Variants in FCN2 observed in about 807,000 individuals in gnomAD.
FCN2 encodes the protein ficolin 2, also known as ficolin-2.
In FCN2, 31 loss-of-function variants were observed where a neutral mutation model predicts 32.5. The ratio of observed to expected loss-of-function variants is 0.96; its 90% CI spans 0.72 to 1.29. The LOEUF is 1.29. Ranked by LOEUF, FCN2 falls within the 50% of genes most tolerant of loss-of-function variation. The pLI is 0.00. For missense variants in FCN2, 412 were observed against 406.5 expected (o/e 1.01, Z -0.12); for synonymous variants, 181 against 164.5 (o/e 1.10, Z -0.77).
intron 1 of FCN2, 36 bp downstream of exon 1, chr9:134,880,957 T>C: frequency 6.7e-7 from 1 of 1,497,662 alleles, no homozygotes; most frequent in Non-Finnish European, 9.2e-7. Flanking sequence ...TGGAAACTTC[T>C]CGTCCCTGAA....
the FCN2 span, among the ~76,000 whole-genome samples, chr9:134,870,608 G>A: frequency 1.3e-5 from 2 of 152,282 alleles, no homozygotes; most frequent in South Asian, 4.1e-4. This position sits in a 1 kb window ranked among gnomAD's most constrained non-coding sequence, Gnocchi z 4.3. Flanking sequence ...GAGCAAAGGA[G>A]ACCCTGCCCT....
upstream of FCN2, among the ~76,000 whole-genome samples, chr9:134,877,153 A>G (rs1830611177): frequency 6.6e-6 from 1 of 152,134 alleles, no homozygotes; most frequent in Non-Finnish European, 1.5e-5. Flanking sequence ...GCACTTGTTC[A>G]TTATTATTCA....
chr9:134,870,960 C>T, the FCN2 span, among the ~76,000 whole-genome samples: 1 of 152,190 alleles, frequency 6.6e-6, no homozygotes, highest in Non-Finnish European at 1.5e-5. This position sits in a 1 kb window ranked among gnomAD's most constrained non-coding sequence, Gnocchi z 4.3. Flanking sequence ...CACCCAGAGG[C>T]GCTGCCCTCT....
At chr9:134,867,401 A>C in the FCN2 span, among the ~76,000 whole-genome samples, 1 of 150,226 alleles carries the variant, frequency 6.7e-6, no homozygotes, top group Non-Finnish European at 1.5e-5. Context: ...CAAAAAACCA[A>C]ACACCGCATA....
At chr9:134,880,803 G>T (rs1830650642), upstream of FCN2, 1 of 1,604,452 alleles carries the variant, frequency 6.2e-7, no homozygotes. Context: ...GGCACCTTTT[G>T]AAGCAAAGAC....
the FCN2 span, among the ~76,000 whole-genome samples, chr9:134,870,226 A>G: frequency 0.013 from 2,016 of 152,302 alleles, 40 homozygotes; most frequent in South Asian, 0.095. This position sits in a 1 kb window ranked among gnomAD's most constrained non-coding sequence, Gnocchi z 4.3. Flanking sequence ...GGGAGACAGC[A>G]GCCCCCAGGC....
At chr9:134,873,636 C>T in the FCN2 span, among the ~76,000 whole-genome samples, 1 of 152,214 alleles carries the variant, frequency 6.6e-6, no homozygotes, top group African/African-American at 2.4e-5. Context: ...CAGCCTACAA[C>T]ATATGATTTG....
At chr9:134,866,017 T>C in the FCN2 span, among the ~76,000 whole-genome samples, 1 of 151,528 alleles carries the variant, frequency 6.6e-6, no homozygotes, top group Non-Finnish European at 1.5e-5. Flanking sequence ...GAACATTCCA[T>C]GCTCATGGGT....
Position 134,882,538 on chromosome 9 carries a change from T to C in FCN2, c.113T>C (p.Val38Ala). The change falls in exon 2 of 8, where the codon GTG (valine) becomes GCG (alanine). Residue 38 changes from valine to alanine, a missense_variant. By Grantham distance (64) the Val-to-Ala change is moderately conservative. Coordinates refer to ENST00000291744, the MANE Select transcript of FCN2 (RefSeq NM_004108.3). Reference protein sequence around the residue: ...AADTCPEVKMVGLEGSDKLTI... With the variant: ...AADTCPEVKMAGLEGSDKLTI... ...TGTTTTTCTGCAGAGGTGAAGATGG[T>C]GGGCCTGGAGGGCTCTGACAAGCTC... 1 of 1,614,066 alleles carries C rather than the reference T, an allele frequency of 6.2e-7. No individual in the cohort carries two copies. The highest frequency in any genetic ancestry group is 1.1e-5 in the South Asian group (1 of 91,074).
intron 2 of FCN2, 142 bp downstream of exon 2, chr9:134,882,781 G>T (rs1830683925): frequency 1.6e-6 from 1 of 623,668 alleles, no homozygotes; most frequent in Non-Finnish European, 2.8e-6. Context: ...TGACTCCCAG[G>T]GCCCAACAGG....
At position 134,885,476 on chromosome 9, in the gene FCN2, G is replaced by A. The variant is rs145149005; in HGVS notation, c.429+110G>A. 1.5e-3 allele frequency: 2,223 copies of A among 1,511,510 alleles called. 31 individuals carry two copies. The African/African-American group carries it at 0.027, about 18-fold the overall frequency. The allele number at this position is 1,511,510 out of a possible 1,614,324, so 93.6% of individuals were successfully genotyped here. ...TTCTCTATTCTCCTGGTCGGGGACA[G>A]TCAGAGATGATGGGGGAGATGACCG... On this transcript the variant is annotated intron_variant, in intron 5 of 7. Transcript: ENST00000291744.
At chr9:134,869,738 G>A in the FCN2 span, among the ~76,000 whole-genome samples, 1 of 152,226 alleles carries the variant, frequency 6.6e-6, no homozygotes, top group Non-Finnish European at 1.5e-5. Flanking sequence ...GCCTCTAGCA[G>A]AGGCCTCCGA....
chr9:134,882,134 T>G (rs1405756439), intron 1 of FCN2, among the ~76,000 whole-genome samples: 1 of 152,178 alleles, frequency 6.6e-6, no homozygotes, highest in Non-Finnish European at 1.5e-5. Context: ...GATGCTGTCT[T>G]AAATGGTAGG....
the FCN2 span, among the ~76,000 whole-genome samples, chr9:134,865,143 G>T: frequency 6.6e-6 from 1 of 152,242 alleles, no homozygotes; most frequent in African/African-American, 2.4e-5. Context: ...CCTGGGATGT[G>T]CCTGGCACTG....
chr9:134,885,497 G>A (rs1830736773), intron 5 of FCN2, 131 bp downstream of exon 5: 1 of 1,452,074 alleles, frequency 6.9e-7, no homozygotes, highest in Non-Finnish European at 9.2e-7. Context: ...TGGGGGAGAT[G>A]ACCGGTGGGT....
At chr9:134,886,402 C>T in intron 6 of FCN2, 28 bp from the exon 7 acceptor site, 1 of 1,614,060 alleles carries the variant, frequency 6.2e-7, no homozygotes, top group East Asian at 2.2e-5. Flanking sequence ...AGCCCTTCCG[C>T]TGAGACCCTG....
At chr9:134,865,216 C>T in the FCN2 span, among the ~76,000 whole-genome samples, 2 of 152,230 alleles carry the variant, frequency 1.3e-5, no homozygotes, top group Admixed American at 6.5e-5. Context: ...CACCTAGGCT[C>T]CAGATCTTCC....
At chr9:134,873,909 GTT>G in the FCN2 span, among the ~76,000 whole-genome samples, 1 of 18,336 alleles carries the variant, frequency 5.5e-5, no homozygotes, top group Non-Finnish European at 1.0e-4. Context: ...GTTTTTTTTT[GTT>G]TTTGTTTTTT....
the FCN2 span, among the ~76,000 whole-genome samples, chr9:134,872,732 AT>A: frequency 6.6e-6 from 1 of 152,146 alleles, no homozygotes; most frequent in African/African-American, 2.4e-5. Flanking sequence ...CGCCCTCGTG[AT>A]TCAGTTACCT....
Sources: allele counts gnomAD v4.1 joint callset (sites outside exome capture counted in the v4.1 genomes callset), GRCh38; gene constraint gnomAD v4.1.1; non-coding constraint Gnocchi (gnomAD v3.1); transcripts MANE v1.5; gene names NCBI Gene and HGNC (gene_info 2026-07-23, HGNC 2026-07-21).